DIXDC1: variants seen among roughly 807,000 people sequenced by gnomAD.
The protein encoded by DIXDC1 is DIX domain containing 1.
DIXDC1 carries 64 observed loss-of-function variants against 103.1 expected under a neutral mutation model. That is an observed-to-expected ratio of 0.62 (90% CI 0.51 to 0.76). The LOEUF is 0.76. Among genes scored for constraint, DIXDC1 ranks in the 30% least tolerant of loss-of-function variants. The pLI, the probability that DIXDC1 is intolerant of heterozygous loss-of-function variation, is 0.00. For missense variants in DIXDC1, 759 were observed against 834.2 expected, an observed-to-expected ratio of 0.91 and a Z score of 1.11; for synonymous variants, 266 against 298.5, an observed-to-expected ratio of 0.89 and a Z score of 1.12.
At chr11:111,979,186 C>G (rs1272615955) in intron 5 of DIXDC1, among the ~76,000 whole-genome samples, 3 of 152,162 alleles carry the variant, frequency 2.0e-5, no homozygotes, top group African/African-American at 7.2e-5. Context: ...AGGTCATTCC[C>G]AGCAAAGCCC....
intron 3 of DIXDC1, 138 bp downstream of exon 3, chr11:111,968,776 A>C: frequency 8.9e-7 from 1 of 1,128,510 alleles, no homozygotes; most frequent in African/African-American, 1.6e-5. Flanking sequence ...TTTTTATTTC[A>C]TGATTATTAT....
rs1441384588 is a variant in DIXDC1, at chr11:111,977,167, C to G, written c.656+2184C>G. On this transcript the variant is annotated intron_variant, in intron 5 of 19. Transcript: ENST00000440460. The surrounding 1 kb of genome is among the most constrained non-coding windows in gnomAD (Gnocchi z 6.1). ...CGACGTCCCCACCCCCACCTCCACCCCGCCCAGCCCCGCCCCTGGCCCGCA... is the reference window on the plus strand; with the variant it reads ...CGACGTCCCCACCCCCACCTCCACCGCGCCCAGCCCCGCCCCTGGCCCGCA... 2.6e-6 allele frequency: 2 copies of G among 757,994 alleles called. No individual in the cohort carries two copies. The highest frequency in any genetic ancestry group is 3.2e-6 in the Non-Finnish European group (2 of 621,812). The allele number at this position is 757,994 out of a possible 1,614,324, so 47.0% of individuals were successfully genotyped here. A position where few individuals can be genotyped will look rare whatever the true frequency, so the allele number is the denominator to read the frequency against.
intron 17 of DIXDC1, among the ~76,000 whole-genome samples, chr11:112,016,341 A>G (rs1352524920): frequency 6.6e-6 from 1 of 152,142 alleles, no homozygotes; most frequent in Non-Finnish European, 1.5e-5. Context: ...CAAAACCTAA[A>G]TATTGGCAGA....
chr11:111,937,627 G>A, intron 1 of DIXDC1, 68 bp downstream of exon 1: 1 of 1,490,984 alleles, frequency 6.7e-7, no homozygotes, highest in South Asian at 1.2e-5. Flanking sequence ...TCTCCGGAAG[G>A]GGTCCTCCTC....
intron 1 of DIXDC1, chr11:111,928,631 C>G (rs587596057): frequency 6.6e-6 from 1 of 152,226 alleles, no homozygotes; most frequent in East Asian, 1.9e-4. Context: ...GGCGTGGTGG[C>G]CGGGGCCTGT....
At chr11:112,012,708 T>C (rs1478142528) in intron 17 of DIXDC1, among the ~76,000 whole-genome samples, 35 of 152,240 alleles carry the variant, frequency 2.3e-4, no homozygotes, top group Admixed American at 2.3e-3. Context: ...TTTTTTATAG[T>C]AATGCCATAA....
chr11:111,982,545 TATC>T, intron 7 of DIXDC1, 58 bp downstream of exon 7: 2 of 1,550,772 alleles, frequency 1.3e-6, no homozygotes, highest in Non-Finnish European at 1.8e-6. Flanking sequence ...AAGTCAGTAT[TATC>T]AATGGAAAAT....
At chr11:111,967,364 A>G (rs73560090) in intron 2 of DIXDC1, among the ~76,000 whole-genome samples, 3,764 of 152,314 alleles carry the variant, frequency 0.025, 164 homozygotes, top group African/African-American at 0.086. Flanking sequence ...GTTAAAGCAG[A>G]ACAGTTAGAA....
intron 1 of DIXDC1, among the ~76,000 whole-genome samples, chr11:111,956,497 AT>A (rs1284581072): frequency 3.3e-5 from 5 of 151,580 alleles, no homozygotes; most frequent in African/African-American, 4.9e-5. Flanking sequence ...AATAATAATA[AT>A]TTTTTTTTAA....
rs1167743358 is a variant in DIXDC1 at position 111,937,629 on chromosome 11, G to GTCC, written c.60+83_60+85dup. 2.9e-5 allele frequency: 43 copies of GTCC among 1,476,172 alleles called. No individual in the cohort carries two copies. In the Admixed American group the frequency reaches 7.7e-4, roughly 26 times the overall value. The allele number at this position is 1,476,172 out of a possible 1,614,324, so 91.4% of individuals were successfully genotyped here. ...GTCTCCCGCCCAGTCTCCGGAAGGG[G>GTCC]TCCTCCTCCTCCTCCATCCTTTGGG... On this transcript the variant is annotated intron_variant, in intron 1 of 19. Transcript: ENST00000440460.
chr11:111,970,311 T>G (rs1406105247), intron 3 of DIXDC1, among the ~76,000 whole-genome samples: 2 of 152,110 alleles, frequency 1.3e-5, no homozygotes, highest in African/African-American at 4.8e-5. Context: ...TGCCTCAGCC[T>G]CCCAAAGTGC....
At chr11:111,969,746 GT>G (rs1414356494) in intron 3 of DIXDC1, among the ~76,000 whole-genome samples, 1 of 152,122 alleles carries the variant, frequency 6.6e-6, no homozygotes, top group African/African-American at 2.4e-5. Flanking sequence ...TATTATATTA[GT>G]GTTCTCTGTG....
At chr11:112,005,079 TTAAAG>T (rs1450420111) in intron 17 of DIXDC1, among the ~76,000 whole-genome samples, 17 of 152,142 alleles carry the variant, frequency 1.1e-4, no homozygotes, top group African/African-American at 4.1e-4. Flanking sequence ...GACAAGGAAT[TTAAAG>T]TAACTGATTC....
At chr11:112,010,887 C>T (rs1490988153) in intron 17 of DIXDC1, among the ~76,000 whole-genome samples, 10 of 152,304 alleles carry the variant, frequency 6.6e-5, no homozygotes, top group African/African-American at 2.4e-4. Context: ...AGGACATAGG[C>T]ATGGACAAGG....
chr11:111,974,974 G>C lies in DIXDC1; in HGVS notation c.647G>C (p.Ser216Thr). 1 of 1,611,408 alleles carries C rather than the reference G, an allele frequency of 6.2e-7. No individual in the cohort carries two copies. The highest frequency in any genetic ancestry group is 8.5e-7 in the Non-Finnish European group (1 of 1,179,042). The change falls in exon 5 of 20, where the codon AGC becomes ACC. Residue 216 changes from serine (S) to threonine (T), a missense_variant. Coordinates refer to ENST00000440460, the MANE Select transcript of DIXDC1 (RefSeq NM_001037954.4). ...CAACAAAGGTCCCCGTCTGAATCCAGCTGCTCCAGGTAACTGTGGCCTCTG... is the reference window on the plus strand; with the variant it reads ...CAACAAAGGTCCCCGTCTGAATCCACCTGCTCCAGGTAACTGTGGCCTCTG... ...EGQQRSPSESSCSSLTSPSPI... is the reference protein window; with the variant it reads ...EGQQRSPSESTCSSLTSPSPI...
intron 1 of DIXDC1, among the ~76,000 whole-genome samples, chr11:111,939,444 C>T (rs958444863): frequency 2.6e-5 from 4 of 152,162 alleles, no homozygotes. Context: ...TAATTGATCC[C>T]TAGAATAATG....
At chr11:111,938,297 A>G (rs1001748282) in intron 1 of DIXDC1, among the ~76,000 whole-genome samples, 1 of 152,134 alleles carries the variant, frequency 6.6e-6, no homozygotes, top group Non-Finnish European at 1.5e-5. Flanking sequence ...GACCCAGGAA[A>G]TTCTGGTTTG....
chr11:111,987,078 G>A (rs782225568), intron 9 of DIXDC1, among the ~76,000 whole-genome samples, 154 bp downstream of exon 9: 19 of 151,958 alleles, frequency 1.3e-4, no homozygotes, highest in East Asian at 7.8e-4. Context: ...GTGAAACCCC[G>A]TCTCTACCAA....
At chr11:111,937,261 C>T, upstream of DIXDC1, 2 of 1,279,506 alleles carry the variant, frequency 1.6e-6, no homozygotes, top group Non-Finnish European at 2.0e-6. Flanking sequence ...TAGTGCGCGC[C>T]CAGTTGTTTC....
Sources: allele counts gnomAD v4.1 joint callset (sites outside exome capture counted in the v4.1 genomes callset), GRCh38; gene constraint gnomAD v4.1.1; non-coding constraint Gnocchi (gnomAD v3.1); transcripts MANE v1.5; gene names NCBI Gene and HGNC (gene_info 2026-07-23, HGNC 2026-07-21).